Variants in PDE1C observed in about 807,000 individuals in gnomAD.
PDE1C encodes the protein phosphodiesterase 1C, also known as dual specificity calcium/calmodulin-dependent 3',5'-cyclic nucleotide phosphodiesterase 1C.
A neutral mutation model predicts 93.1 loss-of-function variants in PDE1C; 62 were observed. That is an observed-to-expected ratio of 0.67 (90% confidence interval 0.54 to 0.82). The LOEUF is 0.82. Among genes scored for constraint, PDE1C ranks in the 40% least tolerant of loss-of-function variants. The pLI, the probability that PDE1C is intolerant of heterozygous loss-of-function variation, is 0.00. For missense variants in PDE1C, 742 were observed against 884.6 expected (o/e 0.84, Z 2.04); for synonymous variants, 325 against 310.1 (o/e 1.05, Z -0.50).
At chr7:31,832,512 T>C (rs1457895698) in intron 11 of PDE1C, among the ~76,000 whole-genome samples, 1 of 152,184 alleles carries the variant, frequency 6.6e-6, no homozygotes, top group Non-Finnish European at 1.5e-5. Flanking sequence ...ACTTTCCAAA[T>C]GTAATTTTTA....
intron 17 of PDE1C, among the ~76,000 whole-genome samples, chr7:31,764,613 G>A (rs7800726): frequency 2.0e-5 from 3 of 152,264 alleles, no homozygotes; most frequent in African/African-American, 4.8e-5. Flanking sequence ...CTTAAGACAC[G>A]TTGCGTTTAT....
chr7:31,815,287 A>G (rs1254171582), intron 15 of PDE1C, among the ~76,000 whole-genome samples: 3 of 152,220 alleles, frequency 2.0e-5, no homozygotes, highest in East Asian at 1.9e-4. Context: ...TTCCATTTCT[A>G]AATCCCTAGT....
chr7:32,248,235 A>G (rs957532155), intron 1 of PDE1C, among the ~76,000 whole-genome samples: 1 of 152,200 alleles, frequency 6.6e-6, no homozygotes, highest in South Asian at 2.1e-4. Flanking sequence ...GATAGAAACA[A>G]TGGGGGACTC....
chr7:31,844,453 C>A (rs28498224), intron 9 of PDE1C, among the ~76,000 whole-genome samples: 109,227 of 151,416 alleles, frequency 0.72, 39,580 homozygotes, highest in East Asian at 0.76. Flanking sequence ...TTTTTGTTTT[C>A]TTTTTAGCAC....
chr7:32,343,561 ATCCATATTAC>A (rs1783799887), intron 1 of PDE1C, among the ~76,000 whole-genome samples: 1 of 152,220 alleles, frequency 6.6e-6, no homozygotes, highest in Admixed American at 6.5e-5. Context: ...TTGAATCAAC[ATCCATATTAC>A]TCCGACAACT....
At chr7:32,239,964 A>G (rs1317802775) in intron 1 of PDE1C, among the ~76,000 whole-genome samples, 6 of 152,150 alleles carry the variant, frequency 3.9e-5, no homozygotes, top group African/African-American at 1.2e-4. Flanking sequence ...TTTTGTCACA[A>G]TCTCTCAGTG....
At chr7:31,721,232 C>T in the PDE1C span, among the ~76,000 whole-genome samples, 23 of 152,288 alleles carry the variant, frequency 1.5e-4, no homozygotes, top group African/African-American at 5.1e-4. Context: ...CAGAAATGAT[C>T]GACCCTCAGC....
chr7:32,184,761 G>T (rs1232799240), intron 2 of PDE1C, among the ~76,000 whole-genome samples: 1 of 152,036 alleles, frequency 6.6e-6, no homozygotes, highest in Non-Finnish European at 1.5e-5. Flanking sequence ...AAACCTGCAC[G>T]TTGTGCACAT....
At chr7:32,259,423 C>A (rs1243226586) in intron 1 of PDE1C, among the ~76,000 whole-genome samples, 1 of 152,148 alleles carries the variant, frequency 6.6e-6, no homozygotes, top group Non-Finnish European at 1.5e-5. Flanking sequence ...AGGGCCCCGG[C>A]AAGTCTCTGC....
intron 1 of PDE1C, among the ~76,000 whole-genome samples, chr7:32,224,369 T>C (rs1180374024): frequency 6.7e-6 from 1 of 149,112 alleles, no homozygotes; most frequent in African/African-American, 2.5e-5. Flanking sequence ...AGACTCCATC[T>C]CAAAAAAAAA....
chr7:32,403,999 T>C (rs1165958454), intron 1 of PDE1C, among the ~76,000 whole-genome samples: 1 of 152,186 alleles, frequency 6.6e-6, no homozygotes, highest in African/African-American at 2.4e-5. Flanking sequence ...GAATCTGCAC[T>C]GTTGCATCAC....
the PDE1C span, among the ~76,000 whole-genome samples, chr7:31,622,387 C>T: frequency 4.6e-5 from 7 of 152,046 alleles, no homozygotes; most frequent in South Asian, 2.1e-4. Flanking sequence ...TGTAAAAGAA[C>T]AGAAATCATA....
intron 7 of PDE1C, chr7:31,851,016 C>T (rs150217977): frequency 1.2e-3 from 413 of 351,686 alleles, no homozygotes; most frequent in African/African-American, 7.2e-3. Flanking sequence ...ACTTGAAAAG[C>T]CCTCATTGCA....
intron 2 of PDE1C, among the ~76,000 whole-genome samples, chr7:31,905,158 A>G (rs1800437908): frequency 6.6e-6 from 1 of 152,168 alleles, no homozygotes. Context: ...AGTATTCTAG[A>G]CCCAAGAAAT....
At chr7:31,699,638 G>A in the PDE1C span, among the ~76,000 whole-genome samples, 1 of 151,606 alleles carries the variant, frequency 6.6e-6, no homozygotes, top group South Asian at 2.1e-4. Flanking sequence ...TCAGATATTG[G>A]TGGTTTTTTT....
chr7:32,387,147 C>A (rs4294862), intron 1 of PDE1C, among the ~76,000 whole-genome samples: 24,735 of 150,464 alleles, frequency 0.16, 2,856 homozygotes, highest in African/African-American at 0.33. Context: ...ATCCATTTAA[C>A]CCTGAGTGGA....
In PDE1C at chr7:31,753,303, A is replaced by G. The variant is rs773191786; in HGVS notation, c.*81T>C. ...CTCCAACAGCCTCCAAGGGTCTTGG[A>G]GGTGTGTCCTGCTGTGGCCAGTGGG... On this transcript the variant is annotated 3_prime_UTR_variant, in exon 18 of 18. Coordinates refer to ENST00000396191, the MANE Select transcript of PDE1C (RefSeq NM_001191057.4). The G allele has an allele frequency of 2.2e-5, 33 of 1,517,022 alleles. No individual in the cohort carries two copies. Among genetic ancestry groups the G allele is most frequent in the Non-Finnish European group, 2.8e-5 (32 of 1,128,486 alleles). 94.0% of individuals were successfully genotyped at this position (1,517,022 alleles called of 1,614,324 possible).
chr7:32,041,351 C>T lies in PDE1C; in HGVS notation c.128+10203G>A, dbSNP rs116553134. On this transcript the variant is annotated intron_variant, in intron 2 of 17. Transcript: ENST00000396191. The stretch of plus-strand genomic sequence containing the variant: ...TTCCAATTTCATGGCAGGGCAAAGA[C>T]TACAGACACACCCTTCCAAAGCATG... 3.3e-3 allele frequency among the ~76,000 whole-genome samples: 500 copies of T among 152,268 alleles called. 1 individual carries two copies. Among genetic ancestry groups the T allele is most frequent in the African/African-American group, 0.011 (458 of 41,540 alleles).
chr7:32,410,339 A>AC (rs1785141633), intron 1 of PDE1C, among the ~76,000 whole-genome samples: 1 of 133,312 alleles, frequency 7.5e-6, no homozygotes, highest in Non-Finnish European at 1.5e-5. Context: ...CTCTGAATTT[A>AC]AAAGAAGAGG....
Sources: allele counts gnomAD v4.1 joint callset (sites outside exome capture counted in the v4.1 genomes callset), GRCh38; gene constraint gnomAD v4.1.1; transcripts MANE v1.5; gene names NCBI Gene and HGNC (gene_info 2026-07-23, HGNC 2026-07-21).